The following ACTR3C variants were observed in gnomAD, a reference collection of about 807,000 sequenced individuals.
ACTR3C encodes actin related protein 3C.
In ACTR3C, 18 loss-of-function variants were observed where a neutral mutation model predicts 26.3. The observed-to-expected ratio is 0.68, with a 90% CI of 0.47 to 1.01. ACTR3C has a LOEUF of 1.01. Ranked by LOEUF, ACTR3C falls within the 50% of genes least tolerant of loss-of-function variation. The pLI, the probability that ACTR3C is intolerant of heterozygous loss-of-function variation, is 0.00. For missense variants in ACTR3C, 184 were observed against 250.7 expected, an observed-to-expected ratio of 0.73 and a Z score of 1.80; for synonymous variants, 55 against 94.5, an observed-to-expected ratio of 0.58 and a Z score of 2.42.
the ACTR3C span, among the ~76,000 whole-genome samples, chr7:150,039,104 G>C: frequency 6.7e-6 from 1 of 150,060 alleles, no homozygotes; most frequent in Non-Finnish European, 1.5e-5. Context: ...CAGTCCTCCA[G>C]GTGGGTCCTA....
rs1354430049 is a variant in ACTR3C, at chr7:150,248,989, A to G, written c.630T>C (p.His210=). 7 of 675,480 alleles carry G rather than the reference A, an allele frequency of 1.0e-5. No homozygotes were observed. Among genetic ancestry groups the G allele is most frequent in the African/African-American group, 1.8e-5 (1 of 55,948 alleles). 41.8% of individuals were successfully genotyped at this position (675,480 alleles called of 1,614,324 possible). A position where few individuals can be genotyped will look rare whatever the true frequency, so the allele number is the denominator to read the frequency against. ...CGCATGGGCTCAATATATCATCTCA[A>G]TGAAATGGAGGTGACAGAGGATGGA... is the stretch of plus-strand genomic sequence containing the variant. ...HGFHPLSPPF[H] The change falls in exon 7 of 8, where the codon CAT becomes CAC. Residue 210 remains histidine (H), a synonymous_variant. Coordinates refer to ENST00000683684, the MANE Select transcript of ACTR3C (RefSeq NM_001164458.2).
At chr7:150,223,296 TATTA>T in the ACTR3C span, among the ~76,000 whole-genome samples, 1 of 152,160 alleles carries the variant, frequency 6.6e-6, no homozygotes, top group African/African-American at 2.4e-5. Flanking sequence ...GATGTACCAT[TATTA>T]ATTTATCCAT....
At chr7:150,073,123 G>A in the ACTR3C span, among the ~76,000 whole-genome samples, 2 of 152,194 alleles carry the variant, frequency 1.3e-5, no homozygotes, top group African/African-American at 4.8e-5. Context: ...ATTAGGTGGT[G>A]AGAATAAAGC....
the ACTR3C span, among the ~76,000 whole-genome samples, chr7:149,912,713 G>A: frequency 3.5e-4 from 53 of 152,200 alleles, no homozygotes; most frequent in African/African-American, 1.0e-3. Flanking sequence ...ATGTTGGCCA[G>A]GCTGGTCTCG....
chr7:150,053,782 A>G, the ACTR3C span, among the ~76,000 whole-genome samples: 2 of 152,252 alleles, frequency 1.3e-5, no homozygotes, highest in African/African-American at 4.8e-5. Flanking sequence ...ACAGTTACAG[A>G]AAGTGGAAAA....
chr7:150,293,663 T>C (rs1836478731), intron 2 of ACTR3C, among the ~76,000 whole-genome samples: 1 of 152,182 alleles, frequency 6.6e-6, no homozygotes, highest in Non-Finnish European at 1.5e-5. Context: ...TGGCTGACTG[T>C]GGTGACTCAT....
rs757960368 is a variant in ACTR3C, at chr7:150,252,148, ATGTG to A, written c.565-3098_565-3095del. Among the ~76,000 whole-genome samples, 27 of 147,176 alleles carry A rather than the reference ATGTG, an allele frequency of 1.8e-4. No homozygotes were observed. The South Asian group carries it at 2.4e-3, about 13-fold the overall frequency. On this transcript the variant is annotated intron_variant, in intron 6 of 7. Transcript: ENST00000683684. ...TCTGTGTGTGTGTGTGTGTGTGTGC[ATGTG>A]TGTGTGTGTGTGTGTGCAATGAAAG...
intron 1 of ACTR3C, among the ~76,000 whole-genome samples, chr7:150,296,421 G>C (rs1281558030): frequency 6.6e-6 from 1 of 151,446 alleles, no homozygotes; most frequent in Non-Finnish European, 1.5e-5. Context: ...AATTTCCAAA[G>C]ACATTTCCAA....
At chr7:150,073,041 C>T in the ACTR3C span, among the ~76,000 whole-genome samples, 35 of 152,244 alleles carry the variant, frequency 2.3e-4, no homozygotes, top group South Asian at 6.8e-3. Context: ...TAATGCCGCC[C>T]CCTCCCCAAA....
At chr7:149,989,969 T>C in the ACTR3C span, among the ~76,000 whole-genome samples, 1 of 152,124 alleles carries the variant, frequency 6.6e-6, no homozygotes, top group Non-Finnish European at 1.5e-5. Context: ...CTTTTCAAGG[T>C]GAAATCCATT....
chr7:150,308,808 C>A (rs1796034136), intron 1 of ACTR3C, among the ~76,000 whole-genome samples: 1 of 152,166 alleles, frequency 6.6e-6, no homozygotes, highest in South Asian at 2.1e-4. Context: ...CAACAGTTTC[C>A]TCTTAGAGAG....
the ACTR3C span, among the ~76,000 whole-genome samples, chr7:150,136,641 G>T: frequency 1.3e-5 from 2 of 151,848 alleles, no homozygotes; most frequent in African/African-American, 4.9e-5. Flanking sequence ...CTGCAATCCA[G>T]GTTGGGCAAC....
At chr7:150,000,285 C>A in the ACTR3C span, among the ~76,000 whole-genome samples, 1 of 145,418 alleles carries the variant, frequency 6.9e-6, no homozygotes, top group Admixed American at 6.9e-5. Context: ...AAAGGTATTG[C>A]CTCAATAGCA....
the ACTR3C span, among the ~76,000 whole-genome samples, chr7:150,163,844 G>GC: frequency 1.3e-5 from 2 of 152,032 alleles, no homozygotes; most frequent in African/African-American, 2.4e-5. Flanking sequence ...ACTGAAAGAT[G>GC]CCCCAATGGA....
the ACTR3C span, among the ~76,000 whole-genome samples, chr7:150,104,669 T>A: frequency 6.6e-5 from 10 of 151,816 alleles, no homozygotes; most frequent in African/African-American, 1.9e-4. Flanking sequence ...CTACAGTAAA[T>A]GACACAATCC....
chr7:150,302,289 G>A (rs572268937), intron 1 of ACTR3C, among the ~76,000 whole-genome samples: 2 of 152,346 alleles, frequency 1.3e-5, no homozygotes, highest in South Asian at 4.1e-4. Flanking sequence ...CAAGCCTCTT[G>A]CGCGGTGCTG....
the ACTR3C span, among the ~76,000 whole-genome samples, chr7:150,083,482 A>G: frequency 6.6e-6 from 1 of 152,052 alleles, no homozygotes; most frequent in Admixed American, 6.5e-5. Flanking sequence ...CAGGAGGAAC[A>G]CTTGCGTTTA....
chr7:150,177,304 G>A, the ACTR3C span, among the ~76,000 whole-genome samples: 24,303 of 150,094 alleles, frequency 0.16, 4,307 homozygotes, highest in African/African-American at 0.39. Context: ...ATCCCTAGAA[G>A]TCAACTCAAA....
chr7:149,948,730 T>G, the ACTR3C span, among the ~76,000 whole-genome samples: 1 of 152,168 alleles, frequency 6.6e-6, no homozygotes. Flanking sequence ...CCTTCAGACT[T>G]TGCGGGCCAC....
Sources: gnomAD v4.1 joint callset for allele counts (sites outside exome capture counted in the v4.1 genomes callset) on GRCh38, gnomAD v4.1.1 for gene constraint, MANE v1.5 for transcripts, NCBI Gene and HGNC (gene_info 2026-07-23, HGNC 2026-07-21) for gene names.